The following C15orf39 variants were observed in gnomAD, a reference collection of about 807,000 sequenced individuals.
C15orf39 encodes the protein PRMT2 interacting protein.
Under a neutral mutation model 53.9 loss-of-function variants are expected in C15orf39, and 24 were observed. The observed-to-expected ratio is 0.45, with a 90% CI of 0.32 to 0.63. C15orf39 has a LOEUF of 0.63. Ranked by LOEUF, C15orf39 falls within the 20% of genes least tolerant of loss-of-function variation. The pLI, the probability that C15orf39 is intolerant of heterozygous loss-of-function variation, is 0.04. For missense variants in C15orf39, 1,271 were observed against 1,347.9 expected (o/e 0.94, Z 0.89); for synonymous variants, 569 against 576.5 (o/e 0.99, Z 0.19).
chr15:75,208,309 C>A lies in C15orf39; in HGVS notation c.2261C>A (p.Ala754Glu). The change falls in exon 2 of 3, where the codon GCA becomes GAA. Residue 754 changes from alanine to glutamate, a missense_variant. This residue lies in a region of C15orf39 where 994 missense variants were observed against 993.7 expected (regional missense o/e 1.00). Transcript: ENST00000394987. ...APAPVAGPAPASTSAPGDSLE... is the reference protein window; with the variant it reads ...APAPVAGPAPESTSAPGDSLE... ...GCTCCAGTTGCAGGCCCTGCTCCAG[C>A]ATCTACTTCAGCCCCAGGGGACTCC... 1 of 1,575,678 alleles carries A rather than the reference C, an allele frequency of 6.3e-7. No homozygotes were observed. Among genetic ancestry groups the A allele is most frequent in the Non-Finnish European group, 8.6e-7 (1 of 1,160,354 alleles).
Position 75,207,509 on chromosome 15 carries a change from A to G in C15orf39, c.1461A>G (p.Pro487=). 1 of 1,609,076 alleles carries G rather than the reference A, an allele frequency of 6.2e-7. No individual in the cohort carries two copies. Among genetic ancestry groups the G allele is most frequent in the Non-Finnish European group, 8.5e-7 (1 of 1,178,250 alleles). Residue 487 remains proline, a synonymous_variant, in exon 2 of 3, where the codon CCA becomes CCG. Coordinates refer to ENST00000394987, the MANE Select transcript of C15orf39 (RefSeq NM_015492.5). ...GTGCCCGGGAGTGCCAGTCTCTTCCACAGAAGGAGGGCGCAAGGCCACCCA... is the reference window on the plus strand; with the variant it reads ...GTGCCCGGGAGTGCCAGTCTCTTCCGCAGAAGGAGGGCGCAAGGCCACCCA... ...PPCARECQSL[P]QKEGARPPSS...
chr15:75,209,062 C>G, intron 2 of C15orf39: 1 of 592,918 alleles, frequency 1.7e-6, no homozygotes, highest in Non-Finnish European at 2.7e-6. Context: ...CCCATGGAAA[C>G]TCCTCGGCCT....
rs1438007574 is a variant in C15orf39 at position 75,208,291 on chromosome 15, T to C, written c.2243T>C (p.Val748Ala). The change falls in exon 2 of 3, where the codon GTT becomes GCT. Residue 748 changes from valine to alanine, a missense_variant. Val to Ala is a moderately conservative substitution (Grantham distance 64). Coordinates refer to ENST00000394987, the MANE Select transcript of C15orf39 (RefSeq NM_015492.5). ...ARDPAPAPAPVAGPAPASTSA... is the reference protein window; with the variant it reads ...ARDPAPAPAPAAGPAPASTSA... ...GATCCAGCTCCAGCTCCAGCTCCAG[T>C]TGCAGGCCCTGCTCCAGCATCTACT... 6.4e-7 allele frequency: 1 copy of C among 1,573,824 alleles called. No homozygotes were observed. Among genetic ancestry groups the C allele is most frequent in the African/African-American group, 1.4e-5 (1 of 73,998 alleles).
intron 1 of C15orf39, among the ~76,000 whole-genome samples, chr15:75,203,101 C>G (rs1034841037): frequency 6.6e-6 from 1 of 152,236 alleles, no homozygotes; most frequent in Non-Finnish European, 1.5e-5. Context: ...CGGCGAGGCC[C>G]GATCCAGCCC....
Position 75,207,497 on chromosome 15 carries a change from C to T in C15orf39, c.1449C>T (p.Cys483=). The T allele has an allele frequency of 1.2e-6, 2 of 1,613,598 alleles. No homozygotes were observed. The highest frequency in any genetic ancestry group is 1.7e-6 in the Non-Finnish European group (2 of 1,179,958). ...CACTGCCCCCCTGTGCCCGGGAGTG[C>T]CAGTCTCTTCCACAGAAGGAGGGCG... is the stretch of plus-strand genomic sequence containing the variant. ...PPALPPCARE[C]QSLPQKEGAR... is the part of the protein sequence containing the mutation. The change falls in exon 2 of 3, where the codon TGC becomes TGT. Residue 483 remains cysteine, a synonymous_variant. Transcript: ENST00000394987.
chr15:75,205,096 G>A (rs548088882), intron 1 of C15orf39, among the ~76,000 whole-genome samples: 16 of 152,206 alleles, frequency 1.1e-4, no homozygotes, highest in Non-Finnish European at 1.6e-4. Flanking sequence ...TTGGCTTTGG[G>A]CCTAGGGACC....
At chr15:75,199,321 A>G (rs1202338904), upstream of C15orf39, among the ~76,000 whole-genome samples, 2 of 152,160 alleles carry the variant, frequency 1.3e-5, no homozygotes, top group Non-Finnish European at 2.9e-5. Flanking sequence ...AGAGGGAGCA[A>G]TGAGGAAATA....
At chr15:75,199,931 T>C (rs2070390931), upstream of C15orf39, among the ~76,000 whole-genome samples, 1 of 152,238 alleles carries the variant, frequency 6.6e-6, no homozygotes, top group Non-Finnish European at 1.5e-5. Flanking sequence ...AGTTATCTTG[T>C]ATTGATTGCC....
In C15orf39 at chr15:75,210,865, G is replaced by T. The variant is rs1193127155; in HGVS notation, c.2893G>T (p.Gly965Cys). ...KSPAPKVRKP[G>C]RKPPTPGPEK... is the part of the protein sequence containing the mutation. ...ACCGGCCCCCAAGGTCAGGAAGCCA[G>T]GCAGGAAGCCACCAACCCCTGGCCC... Residue 965 changes from glycine (G) to cysteine (C), a missense_variant, in exon 3 of 3, where the codon GGC becomes TGC. Physicochemically the swap from Gly to Cys is radical, Grantham distance 159. Around this residue, in one of 2 missense-constraint regions of C15orf39, gnomAD observed 277 missense variants for 354.1 expected, o/e 0.78. Coordinates refer to ENST00000394987, the MANE Select transcript of C15orf39 (RefSeq NM_015492.5). 1 of 1,613,726 alleles carries T rather than the reference G, an allele frequency of 6.2e-7. No individual in the cohort carries two copies. Among genetic ancestry groups the T allele is most frequent in the Non-Finnish European group, 8.5e-7 (1 of 1,179,992 alleles).
upstream of C15orf39, among the ~76,000 whole-genome samples, chr15:75,200,470 A>G (rs1391073817): frequency 6.6e-6 from 1 of 152,148 alleles, no homozygotes; most frequent in African/African-American, 2.4e-5. Context: ...CCACCCCACT[A>G]GCAGGGCAGG....
upstream of C15orf39, among the ~76,000 whole-genome samples, chr15:75,200,347 C>T (rs1190009090): frequency 6.6e-6 from 1 of 152,230 alleles, no homozygotes; most frequent in African/African-American, 2.4e-5. Flanking sequence ...GCTGCTCATC[C>T]TGGCCTGGTT....
At position 75,206,530 on chromosome 15, in the gene C15orf39, T is replaced by A; in HGVS notation, c.482T>A (p.Leu161Gln). The change falls in exon 2 of 3, where the codon CTG (leucine) becomes CAG (glutamine). Residue 161 changes from leucine (L) to glutamine (Q), a missense_variant. By Grantham distance (113) the Leu-to-Gln change is moderately radical. This residue lies in a region of C15orf39 where 994 missense variants were observed against 993.7 expected (regional missense o/e 1.00). Transcript: ENST00000394987. ...VKRPLDVDWT[L>Q]ATGPLLPSAD... The stretch of plus-strand genomic sequence containing the variant: ...AGGCCACTGGATGTTGACTGGACTC[T>A]GGCGACTGGGCCCCTGTTGCCCTCA... 6.2e-6 allele frequency: 10 copies of A among 1,614,060 alleles called. No homozygotes were observed. The highest frequency in any genetic ancestry group is 8.5e-6 in the Non-Finnish European group (10 of 1,179,974).
intron 2 of C15orf39, 39 bp from the exon 3 acceptor site, chr15:75,210,710 G>C: frequency 6.4e-7 from 1 of 1,563,812 alleles, no homozygotes; most frequent in Non-Finnish European, 8.7e-7. Context: ...GGACCTGAGG[G>C]TATGGGGTCT....
rs753396972 is a variant in C15orf39, at chr15:75,206,421, C to T, written c.373C>T (p.Pro125Ser). 1.1e-5 allele frequency: 18 copies of T among 1,613,870 alleles called. No homozygotes were observed. Among genetic ancestry groups the T allele is most frequent in the Non-Finnish European group, 1.5e-5 (18 of 1,179,948 alleles). The change falls in exon 2 of 3, where the codon CCA (proline) becomes TCA (serine). Residue 125 changes from proline to serine, a missense_variant. Pro to Ser is a moderately conservative substitution (Grantham distance 74). Coordinates refer to ENST00000394987, the MANE Select transcript of C15orf39 (RefSeq NM_015492.5). ...FSPQAHSYPGPPLAAPKPVYR... is the reference protein window; with the variant it reads ...FSPQAHSYPGSPLAAPKPVYR... ...TCCCCAGGCTCACTCCTACCCAGGC[C>T]CACCACTGGCAGCACCCAAACCTGT... is the stretch of plus-strand genomic sequence containing the variant.
chr15:75,201,224 C>T (rs925077601), upstream of C15orf39, among the ~76,000 whole-genome samples: 3 of 152,180 alleles, frequency 2.0e-5, no homozygotes, highest in Non-Finnish European at 4.4e-5. The surrounding 1 kb of genome is among the most constrained non-coding windows in gnomAD (Gnocchi z 4.7). Context: ...GCTGGGCGTG[C>T]TCCACTCCAC....
upstream of C15orf39, among the ~76,000 whole-genome samples, chr15:75,199,349 C>T (rs537139585): frequency 6.6e-6 from 1 of 152,290 alleles, no homozygotes; most frequent in South Asian, 2.1e-4. Context: ...GACAGGGCAG[C>T]AAAAGCAGTC....
Position 75,207,011 on chromosome 15 carries a change from C to T in C15orf39, c.963C>T (p.Gly321=), listed in dbSNP as rs1357329045. ...CCGGGTACCAGGCTGGTGGGCTGGG[C>T]AGCCCCTACCTGAGGCAGCAGGCAG... ...KGTGYQAGGL[G]SPYLRQQAAQ... The change falls in exon 2 of 3, where the codon GGC becomes GGT. Residue 321 remains glycine, a synonymous_variant. Coordinates refer to ENST00000394987, the MANE Select transcript of C15orf39 (RefSeq NM_015492.5). 8 of 1,602,638 alleles carry T rather than the reference C, an allele frequency of 5.0e-6. No homozygotes were observed. The highest frequency in any genetic ancestry group is 6.8e-6 in the Non-Finnish European group (8 of 1,174,496).
intron 1 of C15orf39, 82 bp from the exon 2 acceptor site, chr15:75,205,917 A>G: frequency 1.1e-6 from 1 of 923,584 alleles, no homozygotes; most frequent in Non-Finnish European, 1.6e-6. Context: ...TGTAGCCGTG[A>G]GCTGATGAGA....
chr15:75,199,012 C>T (rs746085685), upstream of C15orf39: 4 of 152,234 alleles, frequency 2.6e-5, no homozygotes, highest in Non-Finnish European at 4.4e-5. Context: ...CCTTAGGTTC[C>T]CTGCCTCCAG....
Sources: allele counts gnomAD v4.1 joint callset (sites outside exome capture counted in the v4.1 genomes callset), GRCh38; gene constraint gnomAD v4.1.1; regional missense constraint gnomAD v4.1.1; non-coding constraint Gnocchi (gnomAD v3.1); transcripts MANE v1.5; gene names NCBI Gene and HGNC (gene_info 2026-07-23, HGNC 2026-07-21).